Variants in ZNF831 observed in about 807,000 individuals in gnomAD.
ZNF831 encodes zinc finger protein 831.
Under a neutral mutation model 95.8 loss-of-function variants are expected in ZNF831, and 59 were observed. The observed-to-expected ratio is 0.62, with a 90% CI of 0.50 to 0.77. ZNF831 has a LOEUF of 0.77. Ranked by LOEUF, ZNF831 falls within the 30% of genes least tolerant of loss-of-function variation. The probability of loss-of-function intolerance (pLI) is 0.00; values close to 1 mark genes in which losing one functional copy is unlikely to be tolerated. For synonymous variants in ZNF831, 961 were observed against 925.5 expected (o/e 1.04, Z -0.70); for missense variants, 2,205 against 2,164.0 (o/e 1.02, Z -0.38).
intron 1 of ZNF831, among the ~76,000 whole-genome samples, chr20:59,165,236 C>T (rs766505015): frequency 5.3e-5 from 8 of 152,182 alleles, no homozygotes; most frequent in South Asian, 4.2e-4. Context: ...TATCAGGCGC[C>T]GTGGAGTTAC....
chr20:59,178,837 C>A (rs1018315143), intron 1 of ZNF831, among the ~76,000 whole-genome samples: 1 of 152,052 alleles, frequency 6.6e-6, no homozygotes. Context: ...ACAAGAAAAC[C>A]GAGTCCTAGG....
intron 1 of ZNF831, among the ~76,000 whole-genome samples, chr20:59,135,635 G>A (rs1458520957): frequency 6.6e-6 from 1 of 152,100 alleles, no homozygotes; most frequent in Non-Finnish European, 1.5e-5. Context: ...GGAGGCTGAG[G>A]CAGGAGAATG....
At chr20:59,168,459 T>TG (rs2146488926) in intron 1 of ZNF831, among the ~76,000 whole-genome samples, 1 of 149,070 alleles carries the variant, frequency 6.7e-6, no homozygotes, top group Admixed American at 6.6e-5. Context: ...GAGGAGGTTT[T>TG]TTTTTTTTTT....
At chr20:59,251,590 CAGGAAAG>C (rs1460696477) in intron 4 of ZNF831, among the ~76,000 whole-genome samples, 7 of 152,068 alleles carry the variant, frequency 4.6e-5, no homozygotes, top group African/African-American at 1.7e-4. Context: ...GTTCAGGAAC[CAGGAAAG>C]AGGCGAAGAG....
intron 4 of ZNF831, among the ~76,000 whole-genome samples, chr20:59,247,023 C>T (rs1987645249): frequency 6.6e-6 from 1 of 151,998 alleles, no homozygotes; most frequent in Non-Finnish European, 1.5e-5. Flanking sequence ...CCATTTTTTT[C>T]GTAAAGAGGC....
At chr20:59,241,312 A>C (rs1268536031) in intron 4 of ZNF831, among the ~76,000 whole-genome samples, 1 of 146,778 alleles carries the variant, frequency 6.8e-6, no homozygotes, top group East Asian at 2.0e-4. Flanking sequence ...GGCCCCCTCT[A>C]TTTTTTTTTA....
chr20:59,196,080 G>A (rs758008155), intron 3 of ZNF831, 75 bp downstream of exon 3: 60 of 1,551,554 alleles, frequency 3.9e-5, no homozygotes, highest in Middle Eastern at 1.7e-4. Flanking sequence ...AAAGGTATCC[G>A]TGTGCTCCAG....
rs1388591724 is a variant in ZNF831, at chr20:59,192,065, G to T, written c.1046G>T (p.Arg349Leu). 4.4e-6 allele frequency: 7 copies of T among 1,606,522 alleles called. No homozygotes were observed. The highest frequency in any genetic ancestry group is 1.7e-5 in the Admixed American group (1 of 59,860). Residue 349 changes from arginine to leucine, a missense_variant, in exon 2 of 6, where the codon CGC becomes CTC. Transcript: ENST00000371030. The surrounding 1 kb of genome is among the most constrained non-coding windows in gnomAD (Gnocchi z 5.2). ...CESTDSGYLS[R>L]SDSAEQPHAP... ...AGCACCGACTCGGGGTACCTGTCGC[G>T]CTCCGACAGCGCGGAGCAGCCGCAT...
chr20:59,228,533 C>A (rs2146691609), intron 4 of ZNF831, among the ~76,000 whole-genome samples: 2 of 151,904 alleles, frequency 1.3e-5, no homozygotes, highest in Admixed American at 1.3e-4. Flanking sequence ...CCAATGGGAA[C>A]ATCCTAGGCC....
intron 4 of ZNF831, among the ~76,000 whole-genome samples, chr20:59,229,988 G>A (rs892818785): frequency 1.3e-5 from 2 of 152,148 alleles, no homozygotes; most frequent in Admixed American, 1.3e-4. Context: ...TCTTACTGGT[G>A]AGAAAGAAAG....
intron 4 of ZNF831, among the ~76,000 whole-genome samples, chr20:59,211,399 T>C (rs1601404106): frequency 6.6e-6 from 1 of 152,308 alleles, no homozygotes; most frequent in East Asian, 1.9e-4. Context: ...CCAGAGAATA[T>C]CAATCACTGC....
intron 1 of ZNF831, among the ~76,000 whole-genome samples, chr20:59,184,972 A>G (rs1236096790): frequency 1.3e-5 from 2 of 152,160 alleles, no homozygotes; most frequent in Admixed American, 6.5e-5. Flanking sequence ...CACGCGGCAG[A>G]TGAGGGATGC....
At chr20:59,171,944 C>T (rs1981773308) in intron 1 of ZNF831, among the ~76,000 whole-genome samples, 1 of 152,094 alleles carries the variant, frequency 6.6e-6, no homozygotes, top group Non-Finnish European at 1.5e-5. Context: ...GCAGTTGTTC[C>T]ACTATGTGGC....
At chr20:59,199,394 C>A (rs1442325866) in intron 3 of ZNF831, among the ~76,000 whole-genome samples, 1 of 152,036 alleles carries the variant, frequency 6.6e-6, no homozygotes, top group African/African-American at 2.4e-5. Context: ...TCATATCAAT[C>A]TGTGTTTTCA....
chr20:59,242,435 T>TA (rs1250627003), intron 4 of ZNF831, among the ~76,000 whole-genome samples: 1 of 151,708 alleles, frequency 6.6e-6, no homozygotes, highest in Non-Finnish European at 1.5e-5. Flanking sequence ...TTTCACTAAT[T>TA]ATATTTTTTC....
intron 3 of ZNF831, among the ~76,000 whole-genome samples, chr20:59,199,121 ATCT>A (rs1984348399): frequency 8.4e-6 from 1 of 119,274 alleles, no homozygotes. Context: ...CTATCTATCT[ATCT>A]ATCTATCTAT....
chr20:59,233,041 CACAT>C (rs1221039113), intron 4 of ZNF831, among the ~76,000 whole-genome samples: 12 of 135,394 alleles, frequency 8.9e-5, no homozygotes, highest in Non-Finnish European at 1.7e-4. Context: ...CACACACACA[CACAT>C]AGAGAGAGAG....
intron 2 of ZNF831, chr20:59,146,614 C>T (rs563645346): frequency 3.9e-5 from 6 of 152,414 alleles, no homozygotes; most frequent in African/African-American, 1.4e-4. Flanking sequence ...TCAGCACAGC[C>T]TTGTAAACCT....
intron 1 of ZNF831, among the ~76,000 whole-genome samples, chr20:59,190,273 C>T (rs1048360507): frequency 7.2e-5 from 11 of 152,174 alleles, no homozygotes; most frequent in Admixed American, 1.3e-4. Context: ...TCAGTGTTTC[C>T]GTATAAGCAT....
Sources: allele counts gnomAD v4.1 joint callset (sites outside exome capture counted in the v4.1 genomes callset), GRCh38; gene constraint gnomAD v4.1.1; non-coding constraint Gnocchi (gnomAD v3.1); transcripts MANE v1.5; gene names NCBI Gene and HGNC (gene_info 2026-07-23, HGNC 2026-07-21).